The following DPT variants were observed in gnomAD, a reference collection of about 807,000 sequenced individuals.
The protein encoded by DPT is tyrosine-rich acidic matrix protein.
In DPT, 21 loss-of-function variants were observed where a neutral mutation model predicts 31.2. The ratio of observed to expected loss-of-function variants is 0.67; its 90% confidence interval spans 0.48 to 0.97. The LOEUF is 0.97. Among genes scored for constraint, DPT ranks in the 50% least tolerant of loss-of-function variants. DPT has a pLI of 0.00. For synonymous variants in DPT, 91 were observed against 86.9 expected (o/e 1.05, Z -0.26); for missense variants, 262 against 258.8 (o/e 1.01, Z -0.08).
In DPT at chr1:168,696,227, G is replaced by A. The variant is rs766987813; in HGVS notation, c.*322C>T. 2.3e-6 allele frequency: 1 copy of A among 434,010 alleles called. No individual in the cohort carries two copies. The highest frequency in any genetic ancestry group is 3.9e-5 in the Admixed American group (1 of 25,364). 26.9% of individuals were successfully genotyped at this position (434,010 alleles called of 1,614,324 possible). A position where few individuals can be genotyped will look rare whatever the true frequency, so the allele number is the denominator to read the frequency against. The stretch of plus-strand genomic sequence containing the variant: ...GTTCATTCTGCAGTAAAAAGCAGTA[G>A]CCAGGCTGCAGCTGGTGCTCCAGAA... On this transcript the variant is annotated 3_prime_UTR_variant, in exon 4 of 4. Transcript: ENST00000367817.
intron 2 of DPT, among the ~76,000 whole-genome samples, chr1:168,711,123 G>T (rs1572628534): frequency 1.3e-5 from 2 of 150,490 alleles, no homozygotes; most frequent in African/African-American, 4.9e-5. Context: ...CCATTCTCCT[G>T]CCTCAGCCTC....
chr1:168,696,675 G>A (rs939821140), intron 3 of DPT, 60 bp from the exon 4 acceptor site: 65 of 1,465,996 alleles, frequency 4.4e-5, no homozygotes, highest in Middle Eastern at 1.7e-4. Context: ...AGGAAGAATC[G>A]CTGCTGGGGA....
In DPT at chr1:168,729,096, A is replaced by G. The variant is rs1218684488; in HGVS notation, c.79T>C (p.Tyr27His). 2 of 1,614,094 alleles carry G rather than the reference A, an allele frequency of 1.2e-6. No homozygotes were observed. Among genetic ancestry groups the G allele is most frequent in the South Asian group, 1.1e-5 (1 of 91,086 alleles). The change falls in exon 1 of 4, where the codon TAC becomes CAC. Residue 27 changes from tyrosine to histidine, a missense_variant. Transcript: ENST00000367817. ...TCGCTGTAGTCATGATACTGCTGGTATGGGTATCCATAATCGCCATACTGG... is the reference window on the plus strand; with the variant it reads ...TCGCTGTAGTCATGATACTGCTGGTGTGGGTATCCATAATCGCCATACTGG... ...WGQYGDYGYP[Y>H]QQYHDYSDDG... is the part of the protein sequence containing the mutation.
At chr1:168,710,454 A>G (rs581753) in intron 2 of DPT, among the ~76,000 whole-genome samples, 111,680 of 151,972 alleles carry the variant, frequency 0.73, 42,086 homozygotes, top group African/African-American at 0.91. Flanking sequence ...AAGGAAGGGT[A>G]AAGGGTATGG....
chr1:168,696,483 A>C lies in DPT; in HGVS notation c.*66T>G. ...TTCTATAGGAGATCCAACTGATGTT[A>C]ACATATGTGGACACCCTCCTGTCCC... On this transcript the variant is annotated 3_prime_UTR_variant, in exon 4 of 4. Coordinates refer to ENST00000367817, the MANE Select transcript of DPT (RefSeq NM_001937.5). 1 of 1,389,326 alleles carries C rather than the reference A, an allele frequency of 7.2e-7. No individual in the cohort carries two copies. The highest frequency in any genetic ancestry group is 1.0e-6 in the Non-Finnish European group (1 of 997,784). 86.1% of individuals were successfully genotyped at this position (1,389,326 alleles called of 1,614,324 possible). A position where few individuals can be genotyped will look rare whatever the true frequency, so the allele number is the denominator to read the frequency against.
intron 2 of DPT, 143 bp from the exon 3 acceptor site, chr1:168,701,267 C>T: frequency 4.5e-6 from 3 of 665,432 alleles, no homozygotes; most frequent in Non-Finnish European, 8.0e-6. Context: ...CACCAAACAA[C>T]TCCAGGCTGT....
At chr1:168,720,382 A>G (rs1173412545) in intron 1 of DPT, among the ~76,000 whole-genome samples, 1 of 152,206 alleles carries the variant, frequency 6.6e-6, no homozygotes, top group South Asian at 2.1e-4. Flanking sequence ...TTGGACAGGC[A>G]GAATTACAGA....
At chr1:168,699,558 AT>A (rs1649541200) in intron 3 of DPT, among the ~76,000 whole-genome samples, 1 of 150,978 alleles carries the variant, frequency 6.6e-6, no homozygotes, top group African/African-American at 2.4e-5. Flanking sequence ...TGCAACATAT[AT>A]TGTGCCTTTC....
At chr1:168,705,289 G>A (rs1353847344) in intron 2 of DPT, among the ~76,000 whole-genome samples, 1 of 152,134 alleles carries the variant, frequency 6.6e-6, no homozygotes, top group African/African-American at 2.4e-5. Context: ...GTTTCACTTG[G>A]GGAAATTAGG....
At chr1:168,713,595 T>C (rs1649913237) in intron 2 of DPT, among the ~76,000 whole-genome samples, 1 of 152,120 alleles carries the variant, frequency 6.6e-6, no homozygotes, top group Non-Finnish European at 1.5e-5. Context: ...CAAATGACAA[T>C]ATACACATTC....
intron 2 of DPT, among the ~76,000 whole-genome samples, chr1:168,702,673 G>A (rs1033552973): frequency 6.9e-6 from 1 of 145,900 alleles, no homozygotes. Flanking sequence ...GCACACTGGT[G>A]CAATCTCGGC....
intron 1 of DPT, among the ~76,000 whole-genome samples, chr1:168,723,918 T>C (rs961853421): frequency 2.0e-5 from 3 of 152,236 alleles, no homozygotes; most frequent in Non-Finnish European, 4.4e-5. Context: ...TCACCCAGGT[T>C]CCTCTAATGT....
chr1:168,710,081 T>A (rs542033806), intron 2 of DPT, among the ~76,000 whole-genome samples: 3 of 152,188 alleles, frequency 2.0e-5, no homozygotes, highest in East Asian at 3.8e-4. Flanking sequence ...ATTTATGCCC[T>A]GGAGGCATTT....
At chr1:168,726,638 C>G (rs184947427) in intron 1 of DPT, among the ~76,000 whole-genome samples, 3 of 152,234 alleles carry the variant, frequency 2.0e-5, no homozygotes, top group Non-Finnish European at 2.9e-5. Flanking sequence ...CTTGGGGAAC[C>G]ATGGCTGAGT....
At chr1:168,721,385 C>T (rs1217138220) in intron 1 of DPT, among the ~76,000 whole-genome samples, 1 of 152,116 alleles carries the variant, frequency 6.6e-6, no homozygotes, top group Non-Finnish European at 1.5e-5. Flanking sequence ...TAGCATAGAA[C>T]CTGGCACAAC....
chr1:168,702,801 G>C (rs866738168), intron 2 of DPT, among the ~76,000 whole-genome samples: 3 of 151,906 alleles, frequency 2.0e-5, no homozygotes, highest in South Asian at 2.1e-4. Context: ...TAATAGGGAC[G>C]GGGTTTCACC....
rs760328872 is a variant in DPT, at chr1:168,728,918, TC to T, written c.256del (p.Glu86AsnfsTer60). On this transcript the variant is annotated frameshift_variant, in exon 1 of 4. Coordinates refer to ENST00000367817, the MANE Select transcript of DPT (RefSeq NM_001937.5). LOFTEE classifies it high-confidence loss of function. ...CTCCTCCCACCAGCACTCCGTGGGT[TC>T]CCCGAGGCTCTGTGGCGTGGGCATG... ...ACMPTPQSLG[E>X]PTECWWEEIN... The T allele has an allele frequency of 8.8e-5, 142 of 1,614,070 alleles. No individual in the cohort carries two copies. The highest frequency in any genetic ancestry group is 1.2e-4 in the Non-Finnish European group (139 of 1,180,030).
At chr1:168,705,969 C>A (rs1649709938) in intron 2 of DPT, among the ~76,000 whole-genome samples, 1 of 151,624 alleles carries the variant, frequency 6.6e-6, no homozygotes, top group Non-Finnish European at 1.5e-5. Context: ...TCCTTGCCTT[C>A]CACCATGATT....
At chr1:168,722,068 T>A (rs930916597) in intron 1 of DPT, among the ~76,000 whole-genome samples, 1 of 152,126 alleles carries the variant, frequency 6.6e-6, no homozygotes, top group Non-Finnish European at 1.5e-5. Flanking sequence ...CAGGAGAGGC[T>A]TCCCCTAAGG....
Sources: allele counts gnomAD v4.1 joint callset (sites outside exome capture counted in the v4.1 genomes callset), GRCh38; gene constraint gnomAD v4.1.1; transcripts MANE v1.5; gene names NCBI Gene and HGNC (gene_info 2026-07-23, HGNC 2026-07-21).